PRKCA: variants seen among roughly 807,000 people sequenced by gnomAD.
PRKCA encodes protein kinase C alpha type.
A neutral mutation model predicts 87.0 loss-of-function variants in PRKCA; 27 were observed. The ratio of observed to expected loss-of-function variants is 0.31; its 90% confidence interval spans 0.23 to 0.43. The LOEUF is 0.43. PRKCA is among the 20% of genes least tolerant of loss of function. PRKCA has a pLI of 1.00. For missense variants in PRKCA, 518 were observed against 852.3 expected (o/e 0.61, Z 4.88); for synonymous variants, 329 against 311.1 (o/e 1.06, Z -0.61).
chr17:66,443,608 T>TC (rs1913881525), intron 2 of PRKCA, among the ~76,000 whole-genome samples: 1 of 152,102 alleles, frequency 6.6e-6, no homozygotes, highest in African/African-American at 2.4e-5. Context: ...TGAAACTGAG[T>TC]CCACACACAG....
intron 3 of PRKCA, among the ~76,000 whole-genome samples, chr17:66,615,366 G>A (rs55807781): frequency 0.02 from 3,030 of 152,262 alleles, 41 homozygotes; most frequent in South Asian, 0.047. Flanking sequence ...AGCATTCTGT[G>A]CTGTAATGGG....
rs1013078386 is a variant in PRKCA at position 66,596,071 on chromosome 17, C to T, written c.289-45284C>T. Among the ~76,000 whole-genome samples, 141 of 152,288 alleles carry T rather than the reference C, an allele frequency of 9.3e-4. 4 individuals are homozygous for T. Among genetic ancestry groups the T allele is most frequent in the Admixed American group, 7.2e-3 (110 of 15,298 alleles). The stretch of plus-strand genomic sequence containing the variant: ...CCCAGGGACCCCGTTTGCACAGCTG[C>T]GTGTGGAGCCGGCTAGCACGTTGTC... On this transcript the variant is annotated intron_variant, in intron 3 of 16. Transcript: ENST00000413366.
At chr17:66,701,775 C>T (rs1320943951) in intron 8 of PRKCA, among the ~76,000 whole-genome samples, 1 of 151,842 alleles carries the variant, frequency 6.6e-6, no homozygotes, top group East Asian at 1.9e-4. Flanking sequence ...ATGAGGTATC[C>T]CTGCAGACCT....
At chr17:66,498,473 C>A (rs186672346) in intron 3 of PRKCA, among the ~76,000 whole-genome samples, 2 of 152,262 alleles carry the variant, frequency 1.3e-5, no homozygotes, top group East Asian at 3.9e-4. Flanking sequence ...CCTTCTCTTC[C>A]TTTTTCTTCC....
At chr17:66,506,551 A>C (rs905706215) in intron 3 of PRKCA, among the ~76,000 whole-genome samples, 2 of 152,172 alleles carry the variant, frequency 1.3e-5, no homozygotes, top group Non-Finnish European at 2.9e-5. Flanking sequence ...CTTGATCACC[A>C]GTCGTATTTA....
chr17:66,553,035 G>A (rs551372039), intron 3 of PRKCA, among the ~76,000 whole-genome samples: 5 of 151,784 alleles, frequency 3.3e-5, no homozygotes, highest in African/African-American at 1.2e-4. Context: ...GTGCCAGAGT[G>A]CAGTGGTGTG....
At chr17:66,638,360 C>T (rs1971200891) in intron 3 of PRKCA, 1 of 151,854 alleles carries the variant, frequency 6.6e-6, no homozygotes, top group African/African-American at 2.4e-5. Flanking sequence ...AATATGTGAA[C>T]TGTTTCATAT....
At chr17:66,753,345 C>T (rs1974478438) in intron 13 of PRKCA, among the ~76,000 whole-genome samples, 1 of 152,214 alleles carries the variant, frequency 6.6e-6, no homozygotes, top group East Asian at 1.9e-4. Context: ...GTGAACACCG[C>T]CCTGCTGGCG....
intron 5 of PRKCA, among the ~76,000 whole-genome samples, chr17:66,651,874 T>C (rs1010235964): frequency 2.0e-5 from 3 of 152,342 alleles, no homozygotes; most frequent in African/African-American, 7.2e-5. Flanking sequence ...TGTTTGTAAT[T>C]AATAAGGAAT....
At chr17:66,765,699 G>A (rs1303907792) in intron 13 of PRKCA, among the ~76,000 whole-genome samples, 2 of 151,794 alleles carry the variant, frequency 1.3e-5, no homozygotes, top group Non-Finnish European at 2.9e-5. Flanking sequence ...AGTGGCCACT[G>A]TATTGGATAG....
At position 66,315,771 on chromosome 17, in the gene PRKCA, C is replaced by T. The variant is rs921978058; in HGVS notation, c.205+9644C>T. On this transcript the variant is annotated intron_variant, in intron 2 of 16. Coordinates refer to ENST00000413366, the MANE Select transcript of PRKCA (RefSeq NM_002737.3). ...CTGGGATTACAGGCATGAGCCACCA[C>T]GTCCAGCCGGAAGTGTTTTTTCAAT... Among the ~76,000 whole-genome samples, 8 of 152,178 alleles carry T rather than the reference C, an allele frequency of 5.3e-5. No individual in the cohort carries two copies. The East Asian group carries it at 1.3e-3, about 26-fold the overall frequency.
intron 3 of PRKCA, among the ~76,000 whole-genome samples, chr17:66,509,305 G>A (rs1917120746): frequency 1.3e-5 from 2 of 152,088 alleles, no homozygotes; most frequent in Admixed American, 1.3e-4. Context: ...AGACCCAGGA[G>A]AGCCAATGGG....
intron 2 of PRKCA, among the ~76,000 whole-genome samples, chr17:66,351,649 T>G (rs1266133148): frequency 6.6e-6 from 1 of 152,200 alleles, no homozygotes; most frequent in Admixed American, 6.5e-5. Context: ...TTATAAATCA[T>G]TAAATATTAA....
intron 3 of PRKCA, among the ~76,000 whole-genome samples, chr17:66,560,815 T>A (rs1375297747): frequency 1.3e-5 from 2 of 152,214 alleles, no homozygotes; most frequent in Non-Finnish European, 2.9e-5. Flanking sequence ...TCCAAAGCCC[T>A]GGATGTCATT....
intron 5 of PRKCA, among the ~76,000 whole-genome samples, chr17:66,678,865 C>A (rs1972410411): frequency 6.6e-6 from 1 of 152,156 alleles, no homozygotes; most frequent in Non-Finnish European, 1.5e-5. Context: ...TTTACCCAGC[C>A]CATTTTCACA....
chr17:66,628,958 G>A (rs1033872047), intron 3 of PRKCA, among the ~76,000 whole-genome samples: 4 of 152,234 alleles, frequency 2.6e-5, no homozygotes, highest in African/African-American at 9.6e-5. Flanking sequence ...AAACCTGGGA[G>A]GCAGAGGTTG....
rs780725433 is a variant in PRKCA at position 66,732,749 on chromosome 17, C to T, written c.980C>T (p.Pro327Leu). Residue 327 changes from proline to leucine, a missense_variant, in exon 9 of 17, where the codon CCT (proline) becomes CTT (leucine). Pro to Leu is a moderately conservative substitution (Grantham distance 98). Around this residue, in one of 5 missense-constraint regions of PRKCA, gnomAD observed 300 missense variants for 496.8 expected, o/e 0.60. Coordinates refer to ENST00000413366, the MANE Select transcript of PRKCA (RefSeq NM_002737.3). Reference sequence around the variant, plus strand: ...AGTCCCTCTGAAGACAGGAAACAACCTTCCAACAACCTTGACCGAGTGAAA... The same window carrying T: ...AGTCCCTCTGAAGACAGGAAACAACTTTCCAACAACCTTGACCGAGTGAAA... ...VISPSEDRKQ[P>L]SNNLDRVKLT... The T allele has an allele frequency of 2.5e-6, 4 of 1,614,196 alleles. No individual in the cohort carries two copies. The highest frequency in any genetic ancestry group is 2.5e-6 in the Non-Finnish European group (3 of 1,180,034).
chr17:66,456,905 T>G (rs1914598260), intron 2 of PRKCA, among the ~76,000 whole-genome samples: 1 of 152,110 alleles, frequency 6.6e-6, no homozygotes, highest in South Asian at 2.1e-4. Context: ...GTTGTTTCAG[T>G]GGTTTAGGCT....
intron 2 of PRKCA, among the ~76,000 whole-genome samples, chr17:66,312,654 C>T (rs1465629677): frequency 6.6e-6 from 1 of 151,828 alleles, no homozygotes; most frequent in Non-Finnish European, 1.5e-5. Flanking sequence ...ATCTGTTTCA[C>T]CTGTTAAGTC....
Sources: gnomAD v4.1 joint callset for allele counts (sites outside exome capture counted in the v4.1 genomes callset) on GRCh38, gnomAD v4.1.1 for gene constraint, gnomAD v4.1.1 regional missense constraint, MANE v1.5 for transcripts, NCBI Gene and HGNC (gene_info 2026-07-23, HGNC 2026-07-21) for gene names.